Variants in PDE4D observed in about 807,000 individuals in gnomAD.
The protein encoded by PDE4D is 3',5'-cyclic-AMP phosphodiesterase 4D.
A neutral mutation model predicts 87.4 loss-of-function variants in PDE4D; 24 were observed. That is an observed-to-expected ratio of 0.27 (90% CI 0.20 to 0.39). The LOEUF is 0.39. Among genes scored for constraint, PDE4D ranks in the 10% least tolerant of loss-of-function variants. The pLI, the probability that PDE4D is intolerant of heterozygous loss-of-function variation, is 1.00. For synonymous variants in PDE4D, 384 were observed against 383.2 expected, an observed-to-expected ratio of 1.00 and a Z score of -0.02; for missense variants, 714 against 1,041.0, an observed-to-expected ratio of 0.69 and a Z score of 4.32.
chr5:59,139,602 T>G (rs947971848), intron 5 of PDE4D, among the ~76,000 whole-genome samples: 10 of 152,052 alleles, frequency 6.6e-5, no homozygotes, highest in African/African-American at 2.4e-4. Context: ...CCCAAGTAGC[T>G]GGGACTACTG....
At chr5:59,074,841 G>T (rs1042057089) in intron 5 of PDE4D, among the ~76,000 whole-genome samples, 1 of 152,148 alleles carries the variant, frequency 6.6e-6, no homozygotes, top group African/African-American at 2.4e-5. Flanking sequence ...AGTCCTCAAA[G>T]AGTTTACCAT....
intron 3 of PDE4D, among the ~76,000 whole-genome samples, chr5:59,955,808 A>G (rs1265080617): frequency 2.0e-5 from 3 of 152,084 alleles, no homozygotes; most frequent in African/African-American, 7.2e-5. Flanking sequence ...TCTTTCAATC[A>G]GATCTCCCTT....
chr5:59,409,949 TAGTA>T (rs771202002), intron 1 of PDE4D, among the ~76,000 whole-genome samples: 1 of 152,142 alleles, frequency 6.6e-6, no homozygotes, highest in African/African-American at 2.4e-5. Flanking sequence ...TATGAGTACA[TAGTA>T]AGTATATGAA....
At chr5:59,032,511 G>A (rs536426708) in intron 6 of PDE4D, among the ~76,000 whole-genome samples, 23 of 152,262 alleles carry the variant, frequency 1.5e-4, no homozygotes, top group Middle Eastern at 3.4e-3. Flanking sequence ...CTTGGGAGGC[G>A]GAGGTTGCAG....
chr5:60,335,064 A>C (rs1757628105), intron 1 of PDE4D: 1 of 152,240 alleles, frequency 6.6e-6, no homozygotes, highest in Non-Finnish European at 1.5e-5. Context: ...TGTGATTTAA[A>C]AAATAAAAGA....
intron 1 of PDE4D, among the ~76,000 whole-genome samples, chr5:59,447,149 C>G (rs549638497): frequency 1.3e-5 from 2 of 152,288 alleles, no homozygotes; most frequent in African/African-American, 4.8e-5. Flanking sequence ...GTTATGTAGA[C>G]TTTCGAGTTC....
At chr5:59,573,858 T>C (rs566264731) in intron 1 of PDE4D, among the ~76,000 whole-genome samples, 1 of 149,990 alleles carries the variant, frequency 6.7e-6, no homozygotes, top group South Asian at 2.1e-4. Context: ...ATTAGCTGGG[T>C]GTGGCAGCTT....
rs568353546 is a variant in PDE4D at position 60,186,046 on chromosome 5, C to T, written c.-89-359G>A. Among the ~76,000 whole-genome samples the T allele has an allele frequency of 6.6e-5, 10 of 151,878 alleles. No homozygotes were observed. In the South Asian group the frequency reaches 8.3e-4, roughly 13 times the overall value. The stretch of plus-strand genomic sequence containing the variant: ...ATTCTTGTTGGGACAGCTAAGGATT[C>T]GACAATTTTTCACTAAGGGATCACT... On this transcript the variant is annotated intron_variant, in intron 1 of 16. Transcript: ENST00000502484.
At chr5:60,017,323 G>A (rs769992908) in intron 2 of PDE4D, among the ~76,000 whole-genome samples, 1 of 152,034 alleles carries the variant, frequency 6.6e-6, no homozygotes, top group African/African-American at 2.4e-5. Flanking sequence ...TTGGATACAC[G>A]TGCAGGACAT....
intron 1 of PDE4D, among the ~76,000 whole-genome samples, chr5:59,295,635 T>A (rs1768916014): frequency 6.6e-6 from 1 of 152,124 alleles, no homozygotes; most frequent in African/African-American, 2.4e-5. Context: ...GAAAAAGGTA[T>A]CACCTTCAGA....
At chr5:59,665,074 T>C (rs1262284484) in intron 1 of PDE4D, among the ~76,000 whole-genome samples, 4 of 152,214 alleles carry the variant, frequency 2.6e-5, no homozygotes, top group African/African-American at 9.7e-5. Flanking sequence ...ACCCAAATAG[T>C]TCATACAAAT....
intron 6 of PDE4D, among the ~76,000 whole-genome samples, chr5:58,998,634 C>T (rs2153350565): frequency 6.6e-6 from 1 of 152,096 alleles, no homozygotes; most frequent in Middle Eastern, 3.4e-3. Context: ...GGAACTTGTC[C>T]TTCAAAAAGA....
chr5:59,666,188 T>G (rs777340180), intron 1 of PDE4D, among the ~76,000 whole-genome samples: 1 of 152,168 alleles, frequency 6.6e-6, no homozygotes, highest in African/African-American at 2.4e-5. Flanking sequence ...CTCGAACTCC[T>G]GACCTCAGGT....
At chr5:59,499,595 C>T (rs771522365) in intron 1 of PDE4D, among the ~76,000 whole-genome samples, 1 of 151,910 alleles carries the variant, frequency 6.6e-6, no homozygotes, top group African/African-American at 2.4e-5. Flanking sequence ...AGTGACATCA[C>T]AACCAATCCC....
At chr5:59,040,200 A>C (rs574606645) in intron 5 of PDE4D, 2 of 152,344 alleles carry the variant, frequency 1.3e-5, no homozygotes, top group Admixed American at 1.3e-4. Flanking sequence ...TTCTTTTTCT[A>C]CCCAGCCCAG....
chr5:59,310,129 G>A (rs1315288767), intron 1 of PDE4D, among the ~76,000 whole-genome samples: 1 of 152,148 alleles, frequency 6.6e-6, no homozygotes, highest in Non-Finnish European at 1.5e-5. Context: ...GGCCCTTTTG[G>A]ACAGGTGGCT....
rs1751130357 is a variant in PDE4D, at chr5:59,892,686, T to G, written c.455+482A>C. On this transcript the variant is annotated intron_variant, in intron 1 of 14. Coordinates refer to ENST00000340635, the MANE Select transcript of PDE4D (RefSeq NM_001104631.2). ...TTTCTCACTCCCCCCTCCTCCCCAG[T>G]CAGAGCAGCCCCACCGACCCTCTTC... 2.6e-5 allele frequency among the ~76,000 whole-genome samples: 4 copies of G among 152,010 alleles called. No individual in the cohort carries two copies. The South Asian group carries it at 8.3e-4, about 32-fold the overall frequency.
At chr5:59,170,699 A>C (rs1782616977) in intron 5 of PDE4D, among the ~76,000 whole-genome samples, 1 of 152,208 alleles carries the variant, frequency 6.6e-6, no homozygotes, top group Non-Finnish European at 1.5e-5. Context: ...ATTCCTTAAA[A>C]TACAAACATT....
intron 1 of PDE4D, among the ~76,000 whole-genome samples, chr5:59,801,314 A>G (rs146831996): frequency 1.4e-4 from 21 of 152,322 alleles, no homozygotes; most frequent in African/African-American, 4.8e-4. Flanking sequence ...TTCACTTCAT[A>G]TTTCATTATT....
Sources: gnomAD v4.1 joint callset for allele counts (sites outside exome capture counted in the v4.1 genomes callset) on GRCh38, gnomAD v4.1.1 for gene constraint, MANE v1.5 for transcripts, NCBI Gene and HGNC (gene_info 2026-07-23, HGNC 2026-07-21) for gene names.